Variants in MAGI2 observed in about 807,000 individuals in gnomAD.
MAGI2 encodes the protein membrane-associated guanylate kinase, WW and PDZ domain-containing protein 2.
MAGI2 carries 35 observed loss-of-function variants against 133.3 expected under a neutral mutation model. The ratio of observed to expected loss-of-function variants is 0.26; its 90% CI spans 0.20 to 0.35. The LOEUF (loss-of-function observed/expected upper bound fraction) is 0.35, where lower values mean the gene tolerates loss of function less well. MAGI2 is among the 10% of genes least tolerant of loss of function. The pLI is 1.00. For missense variants in MAGI2, 1,636 were observed against 1,863.4 expected (o/e 0.88, Z 2.25); for synonymous variants, 729 against 710.6 (o/e 1.03, Z -0.41).
intron 1 of MAGI2, among the ~76,000 whole-genome samples, chr7:79,101,403 A>C (rs1368571097): frequency 6.6e-6 from 1 of 152,186 alleles, no homozygotes; most frequent in Non-Finnish European, 1.5e-5. Flanking sequence ...GAAGGGCTCT[A>C]CTAAAGTTAA....
intron 2 of MAGI2, among the ~76,000 whole-genome samples, chr7:78,985,696 C>T (rs1489432890): frequency 1.3e-5 from 2 of 151,992 alleles, no homozygotes; most frequent in Non-Finnish European, 2.9e-5. Flanking sequence ...TTTAAAGCGC[C>T]ATCTACCGTA....
At chr7:78,627,029 C>T (rs1808439669) in intron 3 of MAGI2, 91 bp downstream of exon 3, 3 of 1,342,572 alleles carry the variant, frequency 2.2e-6, no homozygotes, top group South Asian at 4.1e-5. Flanking sequence ...CCCAAAACAG[C>T]CCATTAGTAA....
At chr7:79,450,180 C>T (rs991858) in intron 1 of MAGI2, among the ~76,000 whole-genome samples, 46,074 of 151,542 alleles carry the variant, frequency 0.3, 7,108 homozygotes, top group East Asian at 0.38. Flanking sequence ...GTTTTAAAAA[C>T]GCAACTGCTA....
At chr7:79,304,345 T>C (rs1196374353) in intron 1 of MAGI2, among the ~76,000 whole-genome samples, 1 of 151,784 alleles carries the variant, frequency 6.6e-6, no homozygotes, top group East Asian at 1.9e-4. Flanking sequence ...AGAGGCGGGA[T>C]AGAGTATTTG....
At chr7:78,542,819 G>A (rs1798523774) in intron 3 of MAGI2, among the ~76,000 whole-genome samples, 1 of 152,180 alleles carries the variant, frequency 6.6e-6, no homozygotes, top group Admixed American at 6.5e-5. Context: ...TATGCAAGGG[G>A]CTAACTGGAT....
intron 6 of MAGI2, among the ~76,000 whole-genome samples, chr7:78,427,157 A>G (rs1287315335): frequency 6.6e-6 from 1 of 152,172 alleles, no homozygotes; most frequent in Non-Finnish European, 1.5e-5. Context: ...CAAATTCAAG[A>G]GAGCAGAAAT....
At chr7:79,000,708 T>A (rs1303219339) in intron 2 of MAGI2, among the ~76,000 whole-genome samples, 1 of 152,164 alleles carries the variant, frequency 6.6e-6, no homozygotes, top group Non-Finnish European at 1.5e-5. Context: ...TTGGCATAAA[T>A]ATCAAAAATG....
chr7:79,326,909 T>A (rs1839739005), intron 1 of MAGI2, among the ~76,000 whole-genome samples: 1 of 152,268 alleles, frequency 6.6e-6, no homozygotes, highest in African/African-American at 2.4e-5. Flanking sequence ...TCACTGGATT[T>A]ACATTCAGAC....
At position 78,194,814 on chromosome 7, in the gene MAGI2, T is replaced by A. The variant is rs1828569586; in HGVS notation, c.2269+60A>T. On this transcript the variant is annotated intron_variant, in intron 12 of 21. Coordinates refer to ENST00000354212, the MANE Select transcript of MAGI2 (RefSeq NM_012301.4). ...TGCCAGATCATTCAGCCTCAATATA[T>A]CTCCTGGCAGGGCCTCAGCTATTAT... The A allele has an allele frequency of 2.2e-6, 3 of 1,367,332 alleles. No homozygotes were observed. The Admixed American group carries it at 7.2e-5, about 33-fold the overall frequency. 84.7% of individuals were successfully genotyped at this position (1,367,332 alleles called of 1,614,324 possible).
intron 10 of MAGI2, chr7:78,252,731 G>C (rs1040134692): frequency 6.6e-6 from 1 of 151,936 alleles, no homozygotes; most frequent in Non-Finnish European, 1.5e-5. Context: ...CACGAGGTCA[G>C]GATACTGAGA....
chr7:78,204,474 T>C (rs1364819921), intron 10 of MAGI2, among the ~76,000 whole-genome samples: 1 of 152,220 alleles, frequency 6.6e-6, no homozygotes, highest in Non-Finnish European at 1.5e-5. Flanking sequence ...GTCTTCACTA[T>C]AAAACCAAGT....
chr7:79,452,908 C>T, intron 1 of MAGI2, 112 bp downstream of exon 1: 1 of 1,230,344 alleles, frequency 8.1e-7, no homozygotes, highest in Non-Finnish European at 1.1e-6. Context: ...CTGGCCCCCA[C>T]CCCATCATCG....
chr7:78,176,490 C>T (rs1826622196), intron 14 of MAGI2, among the ~76,000 whole-genome samples: 1 of 152,100 alleles, frequency 6.6e-6, no homozygotes, highest in African/African-American at 2.4e-5. Context: ...ACTCCTCCCG[C>T]AGGGCAGAGG....
chr7:78,529,668 G>GTTTTTTTTTTTTTTGTT (rs1797280763), intron 3 of MAGI2, among the ~76,000 whole-genome samples: 1 of 57,382 alleles, frequency 1.7e-5, no homozygotes, highest in Non-Finnish European at 3.5e-5. Flanking sequence ...AAAGGAGATG[G>GTTTTTTTTTTTTTTGTT]TTTTTTTTTT....
chr7:79,326,130 A>G (rs560381564), intron 1 of MAGI2, among the ~76,000 whole-genome samples: 1 of 152,312 alleles, frequency 6.6e-6, no homozygotes, highest in African/African-American at 2.4e-5. Flanking sequence ...CAAAACATTT[A>G]CTACACTGTG....
Position 78,341,182 on chromosome 7 carries a change from G to T in MAGI2, c.1408+2596C>A, listed in dbSNP as rs146332263. Among the ~76,000 whole-genome samples, 934 of 152,056 alleles carry T rather than the reference G, an allele frequency of 6.1e-3. 16 individuals carry two copies. Among genetic ancestry groups the T allele is most frequent in the African/African-American group, 0.022 (904 of 41,470 alleles). ...TACACCAATAATAGACAAACAGAAG[G>T]CCAAATCATAAGTGAACTCCCATTC... On this transcript the variant is annotated intron_variant, in intron 9 of 21. Transcript: ENST00000354212.
chr7:78,884,487 T>C (rs1018967264), intron 2 of MAGI2, among the ~76,000 whole-genome samples: 4 of 151,676 alleles, frequency 2.6e-5, no homozygotes, highest in Non-Finnish European at 4.4e-5. Context: ...CAAAAATAAA[T>C]AAACATATAA....
Position 78,079,104 on chromosome 7 carries a change from T to C in MAGI2, c.3568-19A>G, listed in dbSNP as rs1399972453. The stretch of plus-strand genomic sequence containing the variant: ...CTCCTACCTGTTGATTAAAGAAAAA[T>C]TAAGTCAGCCAAAGATGGTTTTACT... On this transcript the variant is annotated intron_variant, in intron 20 of 21. Coordinates refer to ENST00000354212, the MANE Select transcript of MAGI2 (RefSeq NM_012301.4). 1.2e-6 allele frequency: 2 copies of C among 1,611,070 alleles called. No individual in the cohort carries two copies. The highest frequency in any genetic ancestry group is 1.1e-5 in the South Asian group (1 of 90,066).
intron 3 of MAGI2, among the ~76,000 whole-genome samples, chr7:78,591,452 C>T (rs949959037): frequency 7.2e-5 from 11 of 152,128 alleles, no homozygotes; most frequent in South Asian, 2.1e-4. Flanking sequence ...GCTGGAGGTG[C>T]GGGGAGTACT....
Sources: allele counts gnomAD v4.1 joint callset (sites outside exome capture counted in the v4.1 genomes callset), GRCh38; gene constraint gnomAD v4.1.1; transcripts MANE v1.5; gene names NCBI Gene and HGNC (gene_info 2026-07-23, HGNC 2026-07-21).